Variants in PRKD1 observed in about 807,000 individuals in gnomAD.
PRKD1 encodes protein kinase D1.
PRKD1 carries 63 observed loss-of-function variants against 95.9 expected under a neutral mutation model. The observed-to-expected ratio is 0.66, with a 90% CI of 0.54 to 0.81. The LOEUF (loss-of-function observed/expected upper bound fraction) is 0.81, where lower values mean the gene tolerates loss of function less well. Among genes scored for constraint, PRKD1 ranks in the 30% least tolerant of loss-of-function variants. The probability of loss-of-function intolerance (pLI) is 0.00; values close to 1 mark genes in which losing one functional copy is unlikely to be tolerated. For synonymous variants in PRKD1, 425 were observed against 423.1 expected (o/e 1.00, Z -0.05); for missense variants, 1,048 against 1,165.3 (o/e 0.90, Z 1.47).
At chr14:29,856,374 G>T (rs1366258669) in intron 1 of PRKD1, among the ~76,000 whole-genome samples, 1 of 152,118 alleles carries the variant, frequency 6.6e-6, no homozygotes, top group African/African-American at 2.4e-5. Flanking sequence ...TTGAATAACT[G>T]ATTGTACAAC....
chr14:29,818,793 T>A (rs977555579), intron 1 of PRKD1, among the ~76,000 whole-genome samples: 1 of 152,144 alleles, frequency 6.6e-6, no homozygotes, highest in African/African-American at 2.4e-5. Context: ...AAACTTTTTT[T>A]AAAATGATGT....
At chr14:29,923,854 G>A (rs1474736047) in intron 1 of PRKD1, among the ~76,000 whole-genome samples, 1 of 150,126 alleles carries the variant, frequency 6.7e-6, no homozygotes, top group Non-Finnish European at 1.5e-5. Flanking sequence ...GTTTGTGTGT[G>A]TGGTAGATAA....
chr14:29,806,611 T>C (rs1356245761), intron 1 of PRKD1, among the ~76,000 whole-genome samples: 2 of 152,170 alleles, frequency 1.3e-5, no homozygotes, highest in Non-Finnish European at 2.9e-5. Flanking sequence ...ACTGTTCAGG[T>C]AAGTATTAAA....
intron 2 of PRKD1, among the ~76,000 whole-genome samples, chr14:29,723,875 C>T (rs189096060): frequency 6.6e-6 from 1 of 152,194 alleles, no homozygotes; most frequent in Admixed American, 6.5e-5. Flanking sequence ...AGGAAATGGG[C>T]TGCTCTTAAA....
chr14:29,764,282 A>C (rs1888162616), intron 1 of PRKD1, among the ~76,000 whole-genome samples: 1 of 152,182 alleles, frequency 6.6e-6, no homozygotes, highest in South Asian at 2.1e-4. Flanking sequence ...CACTGGAAAA[A>C]AAAATCTAAA....
chr14:29,864,780 G>C (rs940522538), intron 1 of PRKD1, among the ~76,000 whole-genome samples: 1 of 152,060 alleles, frequency 6.6e-6, no homozygotes, highest in Non-Finnish European at 1.5e-5. Context: ...GGGAAATAAA[G>C]GACCTAGGAA....
At chr14:29,633,373 G>A (rs1880156728) in intron 8 of PRKD1, among the ~76,000 whole-genome samples, 2 of 152,174 alleles carry the variant, frequency 1.3e-5, no homozygotes, top group African/African-American at 4.8e-5. Context: ...TGCTGATGGA[G>A]CCAGGTATTC....
intron 1 of PRKD1, among the ~76,000 whole-genome samples, chr14:29,842,818 T>C (rs552955058): frequency 1.3e-5 from 2 of 152,276 alleles, no homozygotes; most frequent in Non-Finnish European, 2.9e-5. Context: ...CCGCTTTTTC[T>C]GAAAGACTCC....
chr14:29,832,205 A>G (rs1891438489), intron 1 of PRKD1, among the ~76,000 whole-genome samples: 1 of 152,026 alleles, frequency 6.6e-6, no homozygotes, highest in Admixed American at 6.6e-5. Flanking sequence ...TTCCCACCCC[A>G]CCACCACCAC....
chr14:29,826,772 CATATATAT>C lies in PRKD1; in HGVS notation c.264+100469_264+100476del, dbSNP rs1292508352. ...ATATATATATACATATATATATACA[CATATATAT>C]ACATATATACACATATATATACACA... On this transcript the variant is annotated intron_variant, in intron 1 of 17. Transcript: ENST00000331968. Among the ~76,000 whole-genome samples the C allele has an allele frequency of 1.5e-3, 32 of 21,190 alleles. 2 individuals carry two copies. The highest frequency in any genetic ancestry group is 4.4e-3 in the East Asian group (3 of 678). 13.9% of individuals were successfully genotyped at this position (21,190 alleles called of 152,430 possible). A position where few individuals can be genotyped will look rare whatever the true frequency, so the allele number is the denominator to read the frequency against.
At chr14:29,815,461 C>T (rs1479462484) in intron 1 of PRKD1, among the ~76,000 whole-genome samples, 2 of 152,098 alleles carry the variant, frequency 1.3e-5, no homozygotes, top group African/African-American at 4.8e-5. Context: ...AAAATACATG[C>T]CTTTGGCACA....
At position 29,903,762 on chromosome 14, in the gene PRKD1, G is replaced by A. The variant is rs573203894; in HGVS notation, c.264+23487C>T. On this transcript the variant is annotated intron_variant, in intron 1 of 17. Coordinates refer to ENST00000331968, the MANE Select transcript of PRKD1 (RefSeq NM_002742.3). ...GAAAAAAGCCTGTCTATATTTAGAT[G>A]TTTATTAAGGCTGGGTACTGAAGAT... 1.1e-4 allele frequency among the ~76,000 whole-genome samples: 16 copies of A among 152,302 alleles called. No homozygotes were observed. The South Asian group carries it at 2.5e-3, about 24-fold the overall frequency.
chr14:29,632,606 T>A (rs945344159), intron 9 of PRKD1, among the ~76,000 whole-genome samples: 16 of 152,080 alleles, frequency 1.1e-4, no homozygotes, highest in African/African-American at 3.4e-4. Flanking sequence ...CATATTCAAT[T>A]AATCTTCACC....
intron 1 of PRKD1, among the ~76,000 whole-genome samples, chr14:29,914,411 T>C (rs557329214): frequency 6.6e-6 from 1 of 152,336 alleles, no homozygotes; most frequent in African/African-American, 2.4e-5. Flanking sequence ...TAAACATACA[T>C]ATTTGTGAAG....
At chr14:29,901,200 A>T (rs1008014543) in intron 1 of PRKD1, among the ~76,000 whole-genome samples, 1 of 152,218 alleles carries the variant, frequency 6.6e-6, no homozygotes, top group African/African-American at 2.4e-5. Flanking sequence ...ACATGGATGG[A>T]GTTAGAGGTA....
chr14:29,638,159 A>G (rs1880505170), intron 6 of PRKD1: 1 of 267,288 alleles, frequency 3.7e-6, no homozygotes, highest in Non-Finnish European at 7.0e-6. Flanking sequence ...ACTGAGAGCT[A>G]TAACTTGTAG....
chr14:29,899,193 T>G (rs1016415485), intron 1 of PRKD1, among the ~76,000 whole-genome samples: 3 of 152,212 alleles, frequency 2.0e-5, no homozygotes, highest in African/African-American at 7.2e-5. Flanking sequence ...CACATTTAGT[T>G]ACATTTATAA....
chr14:29,816,015 C>A (rs573021249), intron 1 of PRKD1, among the ~76,000 whole-genome samples: 29 of 152,064 alleles, frequency 1.9e-4, no homozygotes, highest in Admixed American at 3.9e-4. Flanking sequence ...GTCAGGAGAT[C>A]GAGACCATCC....
intron 1 of PRKD1, among the ~76,000 whole-genome samples, chr14:29,886,149 C>G (rs1291180223): frequency 6.6e-6 from 1 of 152,128 alleles, no homozygotes; most frequent in Admixed American, 6.5e-5. Context: ...AGGAAAGAGA[C>G]TTGCCCTCCA....
Sources: allele counts gnomAD v4.1 joint callset (sites outside exome capture counted in the v4.1 genomes callset), GRCh38; gene constraint gnomAD v4.1.1; transcripts MANE v1.5; gene names NCBI Gene and HGNC (gene_info 2026-07-23, HGNC 2026-07-21).